Variants in VPS8 observed in about 807,000 individuals in gnomAD.
VPS8 encodes the protein VPS8 subunit of CORVET complex.
VPS8 carries 129 observed loss-of-function variants against 216.4 expected under a neutral mutation model. The observed-to-expected ratio is 0.60, with a 90% CI of 0.52 to 0.69. The LOEUF is 0.69. VPS8 is among the 30% of genes least tolerant of loss of function. VPS8 has a pLI of 0.00. For synonymous variants in VPS8, 571 were observed against 565.4 expected (o/e 1.01, Z -0.14); for missense variants, 1,531 against 1,683.5 (o/e 0.91, Z 1.59).
At chr3:185,041,286 T>A (rs1215681062) in intron 46 of VPS8, among the ~76,000 whole-genome samples, 2 of 152,172 alleles carry the variant, frequency 1.3e-5, no homozygotes, top group Non-Finnish European at 2.9e-5. Flanking sequence ...TTAGCTCCCA[T>A]GCTAATGCAA....
chr3:185,019,599 G>T (rs566046335), intron 45 of VPS8, among the ~76,000 whole-genome samples: 10 of 152,228 alleles, frequency 6.6e-5, no homozygotes, highest in Non-Finnish European at 1.3e-4. Flanking sequence ...GGCACAGATC[G>T]CTCATGCTAT....
chr3:184,987,985 T>C (rs1751370620), intron 42 of VPS8, among the ~76,000 whole-genome samples: 1 of 152,248 alleles, frequency 6.6e-6, no homozygotes, highest in Admixed American at 6.5e-5. Flanking sequence ...ACATGTGATA[T>C]TGAGCTTTTA....
At chr3:184,854,966 A>T (rs915257290) in intron 13 of VPS8, among the ~76,000 whole-genome samples, 1 of 152,124 alleles carries the variant, frequency 6.6e-6, no homozygotes, top group African/African-American at 2.4e-5. Context: ...AGCGTTCCCT[A>T]TGGTGAAGGA....
chr3:184,880,198 A>T (rs891442932), intron 21 of VPS8, among the ~76,000 whole-genome samples: 1 of 152,210 alleles, frequency 6.6e-6, no homozygotes, highest in South Asian at 2.1e-4. Context: ...CATCTCATGA[A>T]ACTATGGTAC....
At chr3:184,848,985 T>G (rs1360351294) in intron 8 of VPS8, 86 bp from the exon 9 acceptor site, 2 of 1,449,296 alleles carry the variant, frequency 1.4e-6, no homozygotes, top group African/African-American at 2.8e-5. Context: ...TCTTGTCACC[T>G]CCCAAGTCTT....
intron 22 of VPS8, among the ~76,000 whole-genome samples, chr3:184,888,003 T>C (rs1209668188): frequency 6.6e-6 from 1 of 151,886 alleles, no homozygotes; most frequent in African/African-American, 2.4e-5. Context: ...TTTTTTTTTT[T>C]TGGAGACAGA....
chr3:184,898,746 A>G (rs1733965623), intron 24 of VPS8, 92 bp downstream of exon 24: 19 of 1,008,650 alleles, frequency 1.9e-5, no homozygotes, highest in Non-Finnish European at 2.7e-5. Flanking sequence ...TTCTAGTTTT[A>G]TCCAATTATT....
intron 21 of VPS8, among the ~76,000 whole-genome samples, chr3:184,876,296 T>A (rs1173235079): frequency 6.6e-6 from 1 of 152,192 alleles, no homozygotes; most frequent in African/African-American, 2.4e-5. Flanking sequence ...TCAATGTTTG[T>A]CAAGATGTCT....
rs189852264 is a variant in VPS8, at chr3:184,843,174, C to T, written c.536-66C>T. On this transcript the variant is annotated intron_variant, in intron 7 of 47. Coordinates refer to ENST00000625842, the MANE Select transcript of VPS8 (RefSeq NM_001009921.3). The stretch of plus-strand genomic sequence containing the variant: ...TGAAATTTTTTACCTGCCTTTTCTT[C>T]GAACTTTTGAACTGATTTCTTGCTT... 454 of 1,264,700 alleles carry T rather than the reference C, an allele frequency of 3.6e-4. 4 individuals are homozygous for T. The African/African-American group carries it at 5.1e-3, about 14-fold the overall frequency. The allele number at this position is 1,264,700 out of a possible 1,614,324, so 78.3% of individuals were successfully genotyped here.
intron 21 of VPS8, among the ~76,000 whole-genome samples, chr3:184,884,301 C>T (rs1730810859): frequency 2.0e-5 from 3 of 152,080 alleles, no homozygotes; most frequent in South Asian, 2.1e-4. Context: ...CAGTTCCCAC[C>T]TATGAGTGAG....
chr3:184,988,223 G>A (rs115428379), intron 42 of VPS8, among the ~76,000 whole-genome samples: 4,319 of 152,182 alleles, frequency 0.028, 79 homozygotes, highest in Non-Finnish European at 0.045. Flanking sequence ...GATGTTGTAT[G>A]TAAAAACTCA....
intron 47 of VPS8, among the ~76,000 whole-genome samples, 192 bp downstream of exon 47, chr3:185,048,751 A>G (rs1046722375): frequency 6.6e-6 from 1 of 152,166 alleles, no homozygotes. Flanking sequence ...GAGCAAAGGA[A>G]GTAGAAAGCT....
intron 26 of VPS8, among the ~76,000 whole-genome samples, chr3:184,913,786 G>A (rs899306548): frequency 2.0e-5 from 3 of 152,156 alleles, no homozygotes; most frequent in Non-Finnish European, 4.4e-5. Context: ...CTAGAGAAGG[G>A]ATGCTACTGG....
chr3:184,843,376 ATTAG>A, intron 8 of VPS8, 131 bp downstream of exon 8: 1 of 552,794 alleles, frequency 1.8e-6, no homozygotes, highest in Non-Finnish European at 2.8e-6. Flanking sequence ...TAATTGAAAA[ATTAG>A]TTAAGTGGGA....
At chr3:184,886,680 A>G (rs572995188) in intron 22 of VPS8, among the ~76,000 whole-genome samples, 51 of 152,090 alleles carry the variant, frequency 3.4e-4, no homozygotes, top group African/African-American at 1.2e-3. Flanking sequence ...CCCGGGTTCA[A>G]GAGATTCTCC....
At chr3:184,953,023 G>A (rs4686468) in intron 36 of VPS8, among the ~76,000 whole-genome samples, 102,341 of 152,006 alleles carry the variant, frequency 0.67, 34,900 homozygotes, top group Middle Eastern at 0.78. Flanking sequence ...ATAAGGGAGG[G>A]GCCTACTGAG....
Position 184,999,857 on chromosome 3 carries a change from C to G in VPS8, c.3998C>G (p.Ser1333Ter). Residue 1333 changes from serine (S) to a stop codon, truncating the protein, a stop_gained, in exon 45 of 48, where the codon TCA becomes TGA. Coordinates refer to ENST00000625842, the MANE Select transcript of VPS8 (RefSeq NM_001009921.3). LOFTEE classifies it high-confidence loss of function. The part of the protein sequence containing the change: ...SEIKKGRITP[S>*]QVKMSPSYHQ... ...ATTAAAAAGGGAAGGATAACCCCAT[C>G]ACAGGTAAGACTTGTTTTCGTGGCA... 2 of 1,607,776 alleles carry G rather than the reference C, an allele frequency of 1.2e-6. No homozygotes were observed. Among genetic ancestry groups the G allele is most frequent in the Non-Finnish European group, 1.7e-6 (2 of 1,177,520 alleles).
chr3:185,049,907 G>A (rs2108553341), intron 47 of VPS8, among the ~76,000 whole-genome samples: 1 of 152,102 alleles, frequency 6.6e-6, no homozygotes, highest in Non-Finnish European at 1.5e-5. Context: ...AGTTTCTCTA[G>A]GGGTCTCCTG....
At chr3:184,837,669 CAG>C (rs1267374408) in intron 5 of VPS8, among the ~76,000 whole-genome samples, 1 of 152,120 alleles carries the variant, frequency 6.6e-6, no homozygotes, top group Admixed American at 6.5e-5. Context: ...GGAAGCTCTA[CAG>C]AGTTTGTTAA....
Sources: gnomAD v4.1 joint callset for allele counts (sites outside exome capture counted in the v4.1 genomes callset) on GRCh38, gnomAD v4.1.1 for gene constraint, MANE v1.5 for transcripts, NCBI Gene and HGNC (gene_info 2026-07-23, HGNC 2026-07-21) for gene names.